The following PCNX1 variants were observed in gnomAD, a reference collection of about 807,000 sequenced individuals.
PCNX1 encodes pecanex-like protein 1.
A neutral mutation model predicts 242.2 loss-of-function variants in PCNX1; 78 were observed. That is an observed-to-expected ratio of 0.32 (90% CI 0.27 to 0.39). PCNX1 has a LOEUF of 0.39. Ranked by LOEUF, PCNX1 falls within the 10% of genes least tolerant of loss-of-function variation. The probability of loss-of-function intolerance (pLI) is 1.00; values close to 1 mark genes in which losing one functional copy is unlikely to be tolerated. For missense variants in PCNX1, 2,581 were observed against 2,856.5 expected (o/e 0.90, Z 2.20); for synonymous variants, 1,024 against 1,032.9 (o/e 0.99, Z 0.17).
At chr14:71,060,938 T>C (rs996786042) in intron 26 of PCNX1, among the ~76,000 whole-genome samples, 2 of 152,222 alleles carry the variant, frequency 1.3e-5, no homozygotes, top group African/African-American at 4.8e-5. Context: ...CAAGAATTGT[T>C]ATTTATTGCA....
At chr14:70,932,261 C>G (rs2056830538) in intron 1 of PCNX1, among the ~76,000 whole-genome samples, 1 of 152,166 alleles carries the variant, frequency 6.6e-6, no homozygotes, top group Non-Finnish European at 1.5e-5. Flanking sequence ...AGGACAGCTT[C>G]CGGGGAGAGA....
At chr14:71,062,442 TAA>T (rs1386208213) in intron 26 of PCNX1, among the ~76,000 whole-genome samples, 2 of 151,774 alleles carry the variant, frequency 1.3e-5, no homozygotes, top group Admixed American at 6.6e-5. Flanking sequence ...AACAAATTTT[TAA>T]AAGTTTTAAA....
intron 27 of PCNX1, 44 bp from the exon 28 acceptor site, chr14:71,076,145 G>A (rs375279916): frequency 9.0e-5 from 105 of 1,171,146 alleles, no homozygotes; most frequent in Admixed American, 1.5e-4. Context: ...AATTGAAATT[G>A]TAATTTAATC....
intron 15 of PCNX1, 80 bp downstream of exon 15, chr14:71,026,962 C>T (rs1035835604): frequency 4.8e-6 from 3 of 622,156 alleles, no homozygotes; most frequent in Admixed American, 3.0e-5. Context: ...CATTAAAATG[C>T]TTTTCCAGTT....
chr14:71,062,204 G>A (rs1266371281), intron 26 of PCNX1, among the ~76,000 whole-genome samples: 3 of 152,050 alleles, frequency 2.0e-5, no homozygotes, highest in Admixed American at 1.3e-4. Context: ...TCCTTCAGGG[G>A]GTATCCAGAG....
At chr14:70,932,924 T>C (rs915865917) in intron 1 of PCNX1, among the ~76,000 whole-genome samples, 1 of 152,192 alleles carries the variant, frequency 6.6e-6, no homozygotes, top group Non-Finnish European at 1.5e-5. Flanking sequence ...GAAGTTTTTA[T>C]TATTTTTCTA....
intron 1 of PCNX1, among the ~76,000 whole-genome samples, chr14:70,928,310 A>T (rs1331522840): frequency 5.9e-5 from 9 of 152,188 alleles, no homozygotes; most frequent in Middle Eastern, 3.2e-3. Flanking sequence ...TTGCAGTGTC[A>T]TGTTGACAGA....
At chr14:70,942,755 A>G (rs559846940) in intron 1 of PCNX1, 1 of 152,342 alleles carries the variant, frequency 6.6e-6, no homozygotes, top group South Asian at 2.1e-4. Context: ...GGGTTTTTAT[A>G]GAAGCTTCAT....
chr14:71,051,487 A>C (rs1241177348), intron 23 of PCNX1, among the ~76,000 whole-genome samples: 1 of 152,152 alleles, frequency 6.6e-6, no homozygotes, highest in Non-Finnish European at 1.5e-5. Flanking sequence ...TACTCCCACG[A>C]TTTCTTAGAA....
At position 71,009,700 on chromosome 14, in the gene PCNX1, C is replaced by T; in HGVS notation, c.2696C>T (p.Ala899Val). Residue 899 changes from alanine to valine, a missense_variant, in exon 9 of 36, where the codon GCA becomes GTA. Ala to Val is a moderately conservative substitution (Grantham distance 64, BLOSUM62 0). Transcript: ENST00000304743. Reference protein sequence around the residue: ...CDMSLVNFEPAARRASNICDT... With the variant: ...CDMSLVNFEPVARRASNICDT... ...ATGTCACTTGTGAATTTTGAACCAG[C>T]AGCAAGAAGAGCATCCAATATCTGG... 2 of 1,600,702 alleles carry T rather than the reference C, an allele frequency of 1.2e-6. No individual in the cohort carries two copies. Among genetic ancestry groups the T allele is most frequent in the South Asian group, 1.1e-5 (1 of 89,676 alleles).
intron 28 of PCNX1, among the ~76,000 whole-genome samples, chr14:71,081,511 GT>G (rs1026985513): frequency 6.6e-6 from 1 of 152,088 alleles, no homozygotes; most frequent in Non-Finnish European, 1.5e-5. Context: ...GCTTTTTTTG[GT>G]TGGTAGGCTA....
At chr14:71,090,931 T>C (rs2062112185) in intron 30 of PCNX1, among the ~76,000 whole-genome samples, 1 of 152,244 alleles carries the variant, frequency 6.6e-6, no homozygotes, top group African/African-American at 2.4e-5. Flanking sequence ...TTTCCTTAAA[T>C]ATTCCTTTGG....
At chr14:70,947,655 C>T (rs890804918) in intron 2 of PCNX1, among the ~76,000 whole-genome samples, 2 of 151,940 alleles carry the variant, frequency 1.3e-5, no homozygotes, top group Non-Finnish European at 2.9e-5. Flanking sequence ...GTGATGATTG[C>T]GTTGTCTGTA....
chr14:70,925,484 A>G lies in PCNX1; in HGVS notation c.153+17481A>G, dbSNP rs531054702. Among the ~76,000 whole-genome samples the G allele has an allele frequency of 2.0e-5, 3 of 147,698 alleles. No individual in the cohort carries two copies. The East Asian group carries it at 6.0e-4, about 29-fold the overall frequency. On this transcript the variant is annotated intron_variant, in intron 1 of 35. Transcript: ENST00000304743. ...ATTTTACAGAAATATTTCTGTATTC[A>G]TTTTCCAGTGACTTCCGGTCATTCA...
At chr14:70,999,597 C>G (rs1316357663) in intron 8 of PCNX1, among the ~76,000 whole-genome samples, 5 of 152,002 alleles carry the variant, frequency 3.3e-5, no homozygotes, top group Admixed American at 2.0e-4. Flanking sequence ...CTTAGGTTTT[C>G]TTTTGTTTTA....
chr14:70,991,935 C>T (rs1282949201), intron 7 of PCNX1, among the ~76,000 whole-genome samples: 2 of 152,032 alleles, frequency 1.3e-5, no homozygotes, highest in South Asian at 2.1e-4. Flanking sequence ...TAAGTGACCA[C>T]CCAAAAGGCA....
intron 6 of PCNX1, among the ~76,000 whole-genome samples, chr14:70,983,627 T>G (rs2058911772): frequency 6.6e-6 from 1 of 151,618 alleles, no homozygotes; most frequent in African/African-American, 2.4e-5. Flanking sequence ...TGTTACTGTT[T>G]GCTCTGGTTC....
At chr14:70,981,221 C>T (rs2058830702) in intron 6 of PCNX1, among the ~76,000 whole-genome samples, 1 of 152,112 alleles carries the variant, frequency 6.6e-6, no homozygotes, top group South Asian at 2.1e-4. Context: ...CTTACTAGTG[C>T]TGCTGTGACT....
chr14:71,068,452 A>G (rs973389814), intron 26 of PCNX1, among the ~76,000 whole-genome samples: 1 of 149,160 alleles, frequency 6.7e-6, no homozygotes, highest in Non-Finnish European at 1.5e-5. Flanking sequence ...ATATGTATAT[A>G]TGTGTATATA....
Sources: gnomAD v4.1 joint callset for allele counts (sites outside exome capture counted in the v4.1 genomes callset) on GRCh38, gnomAD v4.1.1 for gene constraint, MANE v1.5 for transcripts, NCBI Gene and HGNC (gene_info 2026-07-23, HGNC 2026-07-21) for gene names.